WDR45B: variants seen among roughly 807,000 people sequenced by gnomAD.
WDR45B encodes the protein WD repeat domain phosphoinositide-interacting protein 3.
A neutral mutation model predicts 44.6 loss-of-function variants in WDR45B; 20 were observed. That is an observed-to-expected ratio of 0.45 (90% confidence interval 0.32 to 0.65). The LOEUF (loss-of-function observed/expected upper bound fraction) is 0.65, where lower values mean the gene tolerates loss of function less well. Among genes scored for constraint, WDR45B ranks in the 30% least tolerant of loss-of-function variants. The probability of loss-of-function intolerance (pLI) is 0.05; values close to 1 mark genes in which losing one functional copy is unlikely to be tolerated. For missense variants in WDR45B, 323 were observed against 430.2 expected, an observed-to-expected ratio of 0.75 and a Z score of 2.20; for synonymous variants, 169 against 164.9, an observed-to-expected ratio of 1.02 and a Z score of -0.19.
intron 1 of WDR45B, among the ~76,000 whole-genome samples, chr17:82,647,119 C>T (rs990183919): frequency 6.6e-6 from 1 of 152,192 alleles, no homozygotes; most frequent in African/African-American, 2.4e-5. Flanking sequence ...ATCCCAGCTA[C>T]TCAGGAGCCT....
chr17:82,625,285 G>T, intron 5 of WDR45B, 104 bp downstream of exon 5: 1 of 1,152,168 alleles, frequency 8.7e-7, no homozygotes, highest in Non-Finnish European at 1.3e-6. Context: ...GATTGCTCTC[G>T]CCAAGCACTT....
intron 6 of WDR45B, among the ~76,000 whole-genome samples, chr17:82,619,969 A>G (rs759308020): frequency 6.6e-6 from 1 of 152,376 alleles, no homozygotes; most frequent in Non-Finnish European, 1.5e-5. Flanking sequence ...AGAAGCATCC[A>G]CATTTGTAAC....
At chr17:82,634,150 C>CAAAAAAAA (rs36183298) in intron 2 of WDR45B, among the ~76,000 whole-genome samples, 3,487 of 31,938 alleles carry the variant, frequency 0.11, 540 homozygotes, top group Non-Finnish European at 0.14. Flanking sequence ...GACTCCATCT[C>CAAAAAAAA]AAAAAAAAAA....
chr17:82,648,428 C>T lies in WDR45B; in HGVS notation c.-88G>A. 2 of 1,500,252 alleles carry T rather than the reference C, an allele frequency of 1.3e-6. No individual in the cohort carries two copies. Among genetic ancestry groups the T allele is most frequent in the Non-Finnish European group, 1.8e-6 (2 of 1,111,946 alleles). 92.9% of individuals were successfully genotyped at this position (1,500,252 alleles called of 1,614,324 possible). On this transcript the variant is annotated 5_prime_UTR_variant, in exon 1 of 10. Transcript: ENST00000392325. Reference sequence around the variant, plus strand: ...TGGTCCCTTCGGGCCGGCGCTGAGGCCGCCGCGGCCGGAAGTGCCGGACGT... The same window carrying T: ...TGGTCCCTTCGGGCCGGCGCTGAGGTCGCCGCGGCCGGAAGTGCCGGACGT...
chr17:82,635,979 C>T (rs1028452653), intron 2 of WDR45B, among the ~76,000 whole-genome samples: 14 of 151,956 alleles, frequency 9.2e-5, no homozygotes, highest in African/African-American at 2.9e-4. Flanking sequence ...CCCAGCTACT[C>T]GAGAAGTTGG....
In WDR45B at chr17:82,617,362, A is replaced by G. The variant is rs774204274; in HGVS notation, c.740T>C (p.Val247Ala). The part of the protein sequence containing the change: ...NFNQDASLIC[V>A]SSDHGTVHIF... ...ATGCACTGTGCCGTGGTCGCTGGAT[A>G]CGCAGATGAGGGACGCATCCTGATT... Residue 247 changes from valine to alanine, a missense_variant, in exon 8 of 10, where the codon GTA becomes GCA. Coordinates refer to ENST00000392325, the MANE Select transcript of WDR45B (RefSeq NM_019613.4). 2.5e-6 allele frequency: 4 copies of G among 1,614,174 alleles called. No individual in the cohort carries two copies. The Admixed American group carries it at 6.7e-5, about 27-fold the overall frequency.
chr17:82,623,449 C>T (rs2045647385), intron 5 of WDR45B, among the ~76,000 whole-genome samples: 1 of 149,492 alleles, frequency 6.7e-6, no homozygotes. Flanking sequence ...CGCCTGTAAT[C>T]CCAGCACTTT....
intron 2 of WDR45B, among the ~76,000 whole-genome samples, chr17:82,638,347 T>TA (rs1389730406): frequency 2.1e-5 from 3 of 142,546 alleles, no homozygotes; most frequent in African/African-American, 8.0e-5. Context: ...CAGGACACGT[T>TA]AGGGTGAAAG....
chr17:82,648,174 G>T, intron 1 of WDR45B, 100 bp downstream of exon 1: 1 of 1,372,556 alleles, frequency 7.3e-7, no homozygotes, highest in Non-Finnish European at 9.8e-7. Flanking sequence ...CGGGTGGAAG[G>T]CCTGGCCGGA....
chr17:82,619,812 C>T (rs564721427), intron 6 of WDR45B, among the ~76,000 whole-genome samples: 64 of 152,304 alleles, frequency 4.2e-4, no homozygotes, highest in Admixed American at 1.2e-3. Context: ...CAGTAAGGAG[C>T]CAGCTTGTGG....
chr17:82,639,158 C>T (rs2045877001), intron 2 of WDR45B, among the ~76,000 whole-genome samples: 1 of 151,988 alleles, frequency 6.6e-6, no homozygotes, highest in Non-Finnish European at 1.5e-5. Flanking sequence ...TATTTTGTTC[C>T]TATAACACCA....
chr17:82,623,758 A>G (rs930204564), intron 5 of WDR45B, among the ~76,000 whole-genome samples: 21 of 152,090 alleles, frequency 1.4e-4, no homozygotes, highest in Non-Finnish European at 1.5e-5. Flanking sequence ...ACCGGCTAAA[A>G]AATGGGCAAA....
At chr17:82,644,048 A>G (rs756743764) in intron 1 of WDR45B, 25 bp from the exon 2 acceptor site, 2 of 1,612,584 alleles carry the variant, frequency 1.2e-6, no homozygotes, top group South Asian at 2.2e-5. Flanking sequence ...TAAAAGAGAC[A>G]TTAATCCCCA....
chr17:82,634,604 G>A (rs1395588003), intron 2 of WDR45B, among the ~76,000 whole-genome samples: 1 of 152,060 alleles, frequency 6.6e-6, no homozygotes, highest in Non-Finnish European at 1.5e-5. Flanking sequence ...ACCCACGCTT[G>A]TAGCAGCATC....
Position 82,616,119 on chromosome 17 carries a change from G to C in WDR45B, c.929-94C>G, listed in dbSNP as rs560069372. On this transcript the variant is annotated intron_variant, in intron 9 of 9. Coordinates refer to ENST00000392325, the MANE Select transcript of WDR45B (RefSeq NM_019613.4). ...GAGCTGAACTGCAAAGGGCCTCTTG[G>C]AGCCAGGCAGCTGCTCTGAAAGCCC... is the stretch of plus-strand genomic sequence containing the variant. The C allele has an allele frequency of 3.2e-5, 38 of 1,196,672 alleles. No individual in the cohort carries two copies. In the Admixed American group the frequency reaches 4.9e-4, roughly 15 times the overall value. 74.1% of individuals were successfully genotyped at this position (1,196,672 alleles called of 1,614,324 possible).
chr17:82,622,310 C>G (rs1418735225), intron 5 of WDR45B, among the ~76,000 whole-genome samples: 1 of 152,174 alleles, frequency 6.6e-6, no homozygotes, highest in Non-Finnish European at 1.5e-5. Flanking sequence ...GGAAGATTGG[C>G]TATTACTATC....
rs1337213732 is a variant in WDR45B, at chr17:82,634,975, AG to A, written c.143-3954del. ...TCACGGGAAGTCCCTACAGCAGTCA[AG>A]TTCATGGAGACAGAAAAGTAGCACG... On this transcript the variant is annotated intron_variant, in intron 2 of 9. Transcript: ENST00000392325. Among the ~76,000 whole-genome samples, 13 of 152,058 alleles carry A rather than the reference AG, an allele frequency of 8.5e-5. 1 individual carries two copies. Among genetic ancestry groups the A allele is most frequent in the African/African-American group, 3.1e-4 (13 of 41,284 alleles).
At chr17:82,632,396 G>C (rs2045779362) in intron 2 of WDR45B, among the ~76,000 whole-genome samples, 1 of 152,052 alleles carries the variant, frequency 6.6e-6, no homozygotes, top group South Asian at 2.1e-4. Flanking sequence ...TGAACTCCTG[G>C]TCTCAAACAA....
intron 2 of WDR45B, among the ~76,000 whole-genome samples, chr17:82,642,461 G>A (rs759303336): frequency 2.6e-5 from 4 of 152,312 alleles, no homozygotes; most frequent in African/African-American, 4.8e-5. Context: ...GCTGCAGACC[G>A]CTGCTTTATA....
Sources: gnomAD v4.1 joint callset for allele counts (sites outside exome capture counted in the v4.1 genomes callset) on GRCh38, gnomAD v4.1.1 for gene constraint, MANE v1.5 for transcripts, NCBI Gene and HGNC (gene_info 2026-07-23, HGNC 2026-07-21) for gene names.